The following MYH13 variants were observed in gnomAD, a reference collection of about 807,000 sequenced individuals.
MYH13 encodes the protein myosin-13.
A neutral mutation model predicts 232.1 loss-of-function variants in MYH13; 177 were observed. The ratio of observed to expected loss-of-function variants is 0.76; its 90% CI spans 0.67 to 0.86. The LOEUF (loss-of-function observed/expected upper bound fraction) is 0.86, where lower values mean the gene tolerates loss of function less well. Ranked by LOEUF, MYH13 falls within the 40% of genes least tolerant of loss-of-function variation. The pLI, the probability that MYH13 is intolerant of heterozygous loss-of-function variation, is 0.00. For missense variants in MYH13, 2,246 were observed against 2,405.9 expected, an observed-to-expected ratio of 0.93 and a Z score of 1.39; for synonymous variants, 884 against 923.5, an observed-to-expected ratio of 0.96 and a Z score of 0.78.
At position 10,309,380 on chromosome 17, in the gene MYH13, G is replaced by T. The variant is rs1906413214; in HGVS notation, c.5023C>A (p.Leu1675Met). ...LRSNEDLKEQ[L>M]AIVERRNGLL... ...CCATTCCTGCGCTCCACGATGGCCA[G>T]CTGCTCCTTGAGGTCCTCATTGCTC... is the stretch of plus-strand genomic sequence containing the variant. Residue 1675 changes from leucine (L) to methionine (M), a missense_variant, in exon 35 of 41, where the codon CTG becomes ATG. Transcript: ENST00000252172. 1 of 1,611,896 alleles carries T rather than the reference G, an allele frequency of 6.2e-7. No homozygotes were observed. Among genetic ancestry groups the T allele is most frequent in the African/African-American group, 1.3e-5 (1 of 74,918 alleles).
At chr17:10,331,822 A>G (rs1907416172) in intron 20 of MYH13, among the ~76,000 whole-genome samples, 1 of 152,002 alleles carries the variant, frequency 6.6e-6, no homozygotes, top group Non-Finnish European at 1.5e-5. Flanking sequence ...CTCTCTCTTC[A>G]GCTCTTTCTT....
chr17:10,322,777 G>GAA (rs1159670483), intron 23 of MYH13, among the ~76,000 whole-genome samples: 5 of 152,010 alleles, frequency 3.3e-5, no homozygotes, highest in African/African-American at 4.8e-5. Context: ...GGGACTACAG[G>GAA]CGTCCGCCAC....
chr17:10,305,555 G>T (rs1434613001), intron 37 of MYH13, among the ~76,000 whole-genome samples: 1 of 152,102 alleles, frequency 6.6e-6, no homozygotes, highest in African/African-American at 2.4e-5. Context: ...TTTCCTGCTG[G>T]GAAAAGTTGT....
chr17:10,302,835 TGGG>T (rs1218510892), intron 39 of MYH13, among the ~76,000 whole-genome samples: 1 of 151,774 alleles, frequency 6.6e-6, no homozygotes, highest in Non-Finnish European at 1.5e-5. Flanking sequence ...GGTCAGGTCA[TGGG>T]AGCAGGAATG....
intron 8 of MYH13, among the ~76,000 whole-genome samples, chr17:10,356,962 A>AT (rs759897029): frequency 4.6e-5 from 7 of 151,870 alleles, no homozygotes; most frequent in Non-Finnish European, 8.8e-5. Flanking sequence ...CTATTCCAAT[A>AT]TTTTTTTCTT....
At chr17:10,337,951 G>T (rs148293021) in intron 18 of MYH13, among the ~76,000 whole-genome samples, 1 of 152,286 alleles carries the variant, frequency 6.6e-6, no homozygotes, top group African/African-American at 2.4e-5. Context: ...TACTCAGGAG[G>T]CTGAGGCAGG....
chr17:10,355,106 C>T lies in MYH13; in HGVS notation c.780G>A (p.Leu260=), dbSNP rs765663046. Residue 260 remains leucine, a synonymous_variant, in exon 9 of 41, where the codon CTG becomes CTA. Transcript: ENST00000252172. ...CACAAGTTTCGATGTCTGCCGATGC[C>T]AGCTTTCCTGTGGCTCCAAAATGAA... ...IRIHFGATGK[L]ASADIETYLL... is the part of the protein sequence containing the mutation. 75 of 1,594,720 alleles carry T rather than the reference C, an allele frequency of 4.7e-5. No individual in the cohort carries two copies. Among genetic ancestry groups the T allele is most frequent in the Admixed American group, 3.5e-4 (20 of 56,872 alleles).
intron 3 of MYH13, among the ~76,000 whole-genome samples, 161 bp downstream of exon 3, chr17:10,364,166 A>G (rs923379591): frequency 5.9e-5 from 9 of 152,250 alleles, no homozygotes; most frequent in African/African-American, 2.2e-4. Context: ...GTGAAGGTGC[A>G]TGTAATAGCA....
intron 2 of MYH13, among the ~76,000 whole-genome samples, chr17:10,365,994 T>G (rs940570766): frequency 5.9e-5 from 9 of 151,988 alleles, no homozygotes; most frequent in African/African-American, 2.2e-4. Context: ...TTATGTATTT[T>G]TTCCTTCTTT....
In MYH13 at chr17:10,306,771, C is replaced by T. The variant is rs757457321; in HGVS notation, c.5296-142G>A. 4.3e-5 allele frequency: 65 copies of T among 1,516,332 alleles called. No individual in the cohort carries two copies. Among genetic ancestry groups the T allele is most frequent in the Non-Finnish European group, 5.6e-5 (63 of 1,131,580 alleles). 93.9% of individuals were successfully genotyped at this position (1,516,332 alleles called of 1,614,324 possible). On this transcript the variant is annotated intron_variant, in intron 36 of 40. Transcript: ENST00000252172. The surrounding 1 kb of genome is among the most constrained non-coding windows in gnomAD (Gnocchi z 4.3). ...GTCATTGCTGATTCCCCACAGCCTC[C>T]CCTCCCACTTTGCCACTGCTGAGAC...
chr17:10,362,306 C>G lies in MYH13; in HGVS notation c.349-32G>C, dbSNP rs201554178. On this transcript the variant is annotated intron_variant, in intron 4 of 40. Transcript: ENST00000252172. ...AGATCAGAACATTTATCATTTGGAT[C>G]TCGTTTTTACTCAGAGAGAGACATG... 2.1e-5 allele frequency: 34 copies of G among 1,613,934 alleles called. No individual in the cohort carries two copies. The East Asian group carries it at 7.6e-4, about 36-fold the overall frequency.
At chr17:10,359,588 A>C (rs1023072238) in intron 7 of MYH13, among the ~76,000 whole-genome samples, 1 of 152,174 alleles carries the variant, frequency 6.6e-6, no homozygotes, top group East Asian at 1.9e-4. Flanking sequence ...AGCTCCTCCC[A>C]ATTAATAGCT....
At chr17:10,314,192 G>T (rs1259164848) in intron 29 of MYH13, among the ~76,000 whole-genome samples, 2 of 152,166 alleles carry the variant, frequency 1.3e-5, no homozygotes, top group Non-Finnish European at 2.9e-5. Context: ...GGCCGAGATG[G>T]GCGGATCACC....
chr17:10,335,255 T>A (rs1016904655), intron 18 of MYH13, among the ~76,000 whole-genome samples: 1 of 152,238 alleles, frequency 6.6e-6, no homozygotes, highest in African/African-American at 2.4e-5. Flanking sequence ...ACCTTAGGGC[T>A]ATGTGTATAA....
intron 3 of MYH13, among the ~76,000 whole-genome samples, chr17:10,363,107 TTTTTTTTCCCTCTG>T (rs1282232343): frequency 1.3e-5 from 2 of 151,830 alleles, no homozygotes; most frequent in African/African-American, 4.8e-5. Context: ...TATTATTTAA[TTTTTTTTCCCTCTG>T]TTTTTTTCCC....
chr17:10,371,584 G>T (rs1412042904), intron 1 of MYH13, among the ~76,000 whole-genome samples: 1 of 152,138 alleles, frequency 6.6e-6, no homozygotes, highest in Non-Finnish European at 1.5e-5. Context: ...AGTTAGTAAG[G>T]GATAAGAGAA....
At chr17:10,327,309 G>A (rs549623103) in intron 22 of MYH13, among the ~76,000 whole-genome samples, 100 of 149,810 alleles carry the variant, frequency 6.7e-4, no homozygotes, top group African/African-American at 2.4e-3. Flanking sequence ...CCGCCTGCTA[G>A]TTTTTAAAAA....
At position 10,354,950 on chromosome 17, in the gene MYH13, C is replaced by G. The variant is rs1346819186; in HGVS notation, c.846G>C (p.Glu282Asp). The change falls in exon 10 of 41, where the codon GAG becomes GAC. Residue 282 changes from glutamate to aspartate, a missense_variant. Physicochemically the swap from Glu to Asp is conservative, Grantham distance 45. Transcript: ENST00000252172. Reference protein sequence around the residue: ...KSRVTFQLSSERSYHIFYQIM... With the variant: ...KSRVTFQLSSDRSYHIFYQIM... ...TTTGGTAGAAAATATGATAGCTTCT[C>G]TCACTGGATAATTGAAACGTCACTC... 3.7e-6 allele frequency: 6 copies of G among 1,608,986 alleles called. No individual in the cohort carries two copies. The highest frequency in any genetic ancestry group is 5.1e-6 in the Non-Finnish European group (6 of 1,175,486).
Position 10,362,113 on chromosome 17 carries a change from C to A in MYH13, c.505+5G>T, listed in dbSNP as rs1426061107. 2.5e-6 allele frequency: 4 copies of A among 1,613,836 alleles called. No individual in the cohort carries two copies. The highest frequency in any genetic ancestry group is 3.4e-6 in the Non-Finnish European group (4 of 1,179,850). ...CAAAAAATATGAATCAAAGAAATTA[C>A]TCACCAGTCAGCATGAACTGATAGG... On this transcript the variant is annotated splice_donor_5th_base_variant and intron_variant, in intron 5 of 40. Coordinates refer to ENST00000252172, the MANE Select transcript of MYH13 (RefSeq NM_003802.3).
Sources: gnomAD v4.1 joint callset for allele counts (sites outside exome capture counted in the v4.1 genomes callset) on GRCh38, gnomAD v4.1.1 for gene constraint, Gnocchi (gnomAD v3.1) non-coding constraint, MANE v1.5 for transcripts, NCBI Gene and HGNC (gene_info 2026-07-23, HGNC 2026-07-21) for gene names.